SPATA13: variants seen among roughly 807,000 people sequenced by gnomAD.
SPATA13 encodes the protein spermatogenesis-associated protein 13.
A neutral mutation model predicts 104.0 loss-of-function variants in SPATA13; 50 were observed. The ratio of observed to expected loss-of-function variants is 0.48; its 90% CI spans 0.38 to 0.61. The LOEUF (loss-of-function observed/expected upper bound fraction) is 0.61. Ranked by LOEUF, SPATA13 falls within the 20% of genes least tolerant of loss-of-function variation. The pLI is 0.00. For missense variants in SPATA13, 1,524 were observed against 1,690.6 expected, an observed-to-expected ratio of 0.90 and a Z score of 1.73; for synonymous variants, 606 against 667.5, an observed-to-expected ratio of 0.91 and a Z score of 1.42.
At chr13:24,274,819 T>TGATGCTGGGTGGGA (rs1228660557) in intron 4 of SPATA13, among the ~76,000 whole-genome samples, 2 of 151,946 alleles carry the variant, frequency 1.3e-5, no homozygotes, top group Non-Finnish European at 2.9e-5. Flanking sequence ...CACCAAGGAG[T>TGATGCTGGGTGGGA]GATGCTGGGT....
chr13:24,131,440 C>CCTTA (rs1185546580), intron 3 of SPATA13, among the ~76,000 whole-genome samples: 2 of 152,136 alleles, frequency 1.3e-5, no homozygotes, highest in African/African-American at 4.8e-5. Context: ...CACTGAAGCG[C>CCTTA]CTTATCTTGT....
chr13:24,291,740 A>ATTTTTTTTTTTTTTTTTTTT (rs111558434), intron 9 of SPATA13, among the ~76,000 whole-genome samples: 1 of 138,810 alleles, frequency 7.2e-6, no homozygotes, highest in African/African-American at 2.7e-5. Flanking sequence ...CTCTGTCTTT[A>ATTTTTTTTTTTTTTTTTTTT]TTTTTTTATT....
intron 4 of SPATA13, among the ~76,000 whole-genome samples, chr13:24,261,422 T>G (rs1874058947): frequency 6.6e-6 from 1 of 152,060 alleles, no homozygotes; most frequent in African/African-American, 2.4e-5. Context: ...CACCATATCC[T>G]TGATTGTGAA....
chr13:24,130,615 T>G (rs1881364361), intron 3 of SPATA13, among the ~76,000 whole-genome samples: 1 of 152,212 alleles, frequency 6.6e-6, no homozygotes, highest in Admixed American at 6.5e-5. Flanking sequence ...CTTTATGGGG[T>G]TAATAACTCC....
intron 3 of SPATA13, chr13:24,122,326 T>G: frequency 6.9e-7 from 1 of 1,447,194 alleles, no homozygotes; most frequent in South Asian, 1.1e-5. Flanking sequence ...TTGAATAGTT[T>G]GAAAGATAGC....
In SPATA13 at chr13:24,260,684, A is replaced by G. The variant is rs778405792; in HGVS notation, c.2164+8822A>G. Among the ~76,000 whole-genome samples, 17 of 152,272 alleles carry G rather than the reference A, an allele frequency of 1.1e-4. 1 individual carries two copies. The highest frequency in any genetic ancestry group is 2.2e-4 in the Non-Finnish European group (15 of 68,036). On this transcript the variant is annotated intron_variant, in intron 4 of 12. Transcript: ENST00000382108. ...TCTATCAAATTAGGTGAGAATTGAC[A>G]GCTTGGAAAAAATGGAAAAATCGAG...
intron 3 of SPATA13, among the ~76,000 whole-genome samples, chr13:24,062,642 A>G (rs943252082): frequency 9.2e-5 from 14 of 152,108 alleles, no homozygotes; most frequent in Admixed American, 3.3e-4. Context: ...TGTGTCTGGA[A>G]CTGTGTAAGG....
At chr13:24,175,723 G>A (rs1240410481) in intron 1 of SPATA13, among the ~76,000 whole-genome samples, 1 of 152,116 alleles carries the variant, frequency 6.6e-6, no homozygotes, top group Non-Finnish European at 1.5e-5. Context: ...ACAGTTTGTT[G>A]ACTACCTCAT....
chr13:24,097,274 T>C (rs1488419276), intron 3 of SPATA13, among the ~76,000 whole-genome samples: 1 of 152,170 alleles, frequency 6.6e-6, no homozygotes, highest in East Asian at 1.9e-4. Context: ...TTTAGTCCTC[T>C]CAGTCAGCCT....
intron 3 of SPATA13, chr13:24,034,380 CA>C (rs1360784427): frequency 6.6e-6 from 1 of 152,160 alleles, no homozygotes; most frequent in Non-Finnish European, 1.5e-5. Flanking sequence ...CCAAATTTTC[CA>C]TCAAACTGGT....
At chr13:24,274,645 G>A (rs929295552) in intron 4 of SPATA13, among the ~76,000 whole-genome samples, 5 of 152,230 alleles carry the variant, frequency 3.3e-5, no homozygotes, top group Admixed American at 6.5e-5. Flanking sequence ...CGAGCTGCCC[G>A]CCTGGGCTTG....
rs188669617 is a variant in SPATA13, at chr13:24,035,581, G to T, written c.-112+17880G>T. Among the ~76,000 whole-genome samples the T allele has an allele frequency of 2.1e-3, 318 of 152,310 alleles. 1 individual carries two copies. The highest frequency in any genetic ancestry group is 6.8e-3 in the Middle Eastern group (2 of 294). On this transcript the variant is annotated intron_variant, in intron 3 of 14. Transcript: ENST00000424834. ...CCTGGGCACACAGCCTAACTCAGAA[G>T]AAAATAAGAAACAAACATGAGAAAA...
intron 3 of SPATA13, among the ~76,000 whole-genome samples, chr13:24,148,308 A>C (rs1881996172): frequency 6.6e-6 from 1 of 151,994 alleles, no homozygotes; most frequent in Admixed American, 6.6e-5. Flanking sequence ...TCCTACTTTC[A>C]TGAGCCCCGT....
In SPATA13 at chr13:24,249,617, C is replaced by A; in HGVS notation, c.1794C>A (p.Ser598Arg). 1 of 1,613,814 alleles carries A rather than the reference C, an allele frequency of 6.2e-7. No homozygotes were observed. Among genetic ancestry groups the A allele is most frequent in the Non-Finnish European group, 8.5e-7 (1 of 1,179,844 alleles). Residue 598 changes from serine (S) to arginine (R), a missense_variant, in exon 3 of 13, where the codon AGC (serine) becomes AGA (arginine). Physicochemically the swap from Ser to Arg is moderately radical, Grantham distance 110 (BLOSUM62 -1). Around this residue, in one of 2 missense-constraint regions of SPATA13, gnomAD observed 1,089 missense variants for 1,135.9 expected, o/e 0.96. Transcript: ENST00000382108. ...RPFSDYGQLASRSLSIPEDSV... is the reference protein window; with the variant it reads ...RPFSDYGQLARRSLSIPEDSV... ...TCTCTGACTACGGCCAGCTGGCCAG[C>A]CGCAGTTTGTCTATTCCTGAAGACT... is the stretch of plus-strand genomic sequence containing the variant.
chr13:24,291,742 T>TTTTTTTTA (rs1566197808), intron 9 of SPATA13, among the ~76,000 whole-genome samples: 1 of 72,020 alleles, frequency 1.4e-5, no homozygotes, highest in Non-Finnish European at 2.9e-5. Context: ...CTGTCTTTAT[T>TTTTTTTTA]TTTTTATTTT....
chr13:24,013,369 T>C (rs907913278), intron 2 of SPATA13, among the ~76,000 whole-genome samples: 5 of 152,258 alleles, frequency 3.3e-5, no homozygotes, highest in African/African-American at 7.2e-5. Context: ...CCTCTCCCAC[T>C]TGCTGCTCAG....
intron 3 of SPATA13, among the ~76,000 whole-genome samples, chr13:24,025,905 A>G (rs1877192561): frequency 6.6e-6 from 1 of 151,708 alleles, no homozygotes; most frequent in South Asian, 2.1e-4. Context: ...CCCAGGTTCA[A>G]AGGATTCTCC....
intron 1 of SPATA13, among the ~76,000 whole-genome samples, chr13:24,175,138 G>A (rs892627680): frequency 2.0e-5 from 3 of 152,136 alleles, no homozygotes; most frequent in Admixed American, 6.5e-5. Flanking sequence ...GTCCTAGGGC[G>A]GAGTTCTGTA....
chr13:24,053,039 G>A (rs975222625), intron 3 of SPATA13, among the ~76,000 whole-genome samples: 5 of 151,262 alleles, frequency 3.3e-5, no homozygotes, highest in Admixed American at 3.3e-4. Context: ...TCTTTGGGCT[G>A]AAAAATAGGA....
Sources: allele counts gnomAD v4.1 joint callset (sites outside exome capture counted in the v4.1 genomes callset), GRCh38; gene constraint gnomAD v4.1.1; regional missense constraint gnomAD v4.1.1; transcripts MANE v1.5; gene names NCBI Gene and HGNC (gene_info 2026-07-23, HGNC 2026-07-21).